Variants in C5orf46 observed in about 807,000 individuals in gnomAD.
C5orf46 encodes chromosome 5 open reading frame 46.
Under a neutral mutation model 8.9 loss-of-function variants are expected in C5orf46, and 9 were observed. The observed-to-expected ratio is 1.01, with a 90% CI of 0.61 to 1.76. C5orf46 has a LOEUF of 1.76. Ranked by LOEUF, C5orf46 falls within the 40% of genes most tolerant of loss-of-function variation. The pLI is 0.00. For synonymous variants in C5orf46, 47 were observed against 41.4 expected (o/e 1.14, Z -0.52); for missense variants, 98 against 107.8 (o/e 0.91, Z 0.40).
intron 1 of C5orf46, 120 bp downstream of exon 1, chr5:147,906,312 G>T: frequency 2.0e-6 from 1 of 509,332 alleles, no homozygotes; most frequent in Non-Finnish European, 3.5e-6. Flanking sequence ...CCAGGCCAGT[G>T]CTCTTTCTGG....
intron 2 of C5orf46, 62 bp downstream of exon 2, chr5:147,901,567 T>C: frequency 2.7e-6 from 4 of 1,492,520 alleles, no homozygotes; most frequent in Non-Finnish European, 3.7e-6. Flanking sequence ...TGCCATGAGG[T>C]CATTGTGTGG....
chr5:147,888,505 C>A (rs1757454894), downstream of C5orf46, among the ~76,000 whole-genome samples: 1 of 152,174 alleles, frequency 6.6e-6, no homozygotes, highest in Non-Finnish European at 1.5e-5. Flanking sequence ...AACAGTATAC[C>A]TAGCACAGGG....
intron 3 of C5orf46, 52 bp from the exon 4 acceptor site, chr5:147,892,991 T>G (rs1333359069): frequency 6.6e-6 from 1 of 152,242 alleles, no homozygotes; most frequent in East Asian, 1.9e-4. Context: ...AGAGCTGGTT[T>G]AAGACGTTAA....
chr5:147,892,265 G>C (rs1408513352), downstream of C5orf46, among the ~76,000 whole-genome samples: 3 of 152,280 alleles, frequency 2.0e-5, no homozygotes, highest in Admixed American at 2.0e-4. Context: ...GTGGTGGCAC[G>C]AAAGGCCTGC....
At chr5:147,900,829 A>G (rs1345093512) in intron 2 of C5orf46, among the ~76,000 whole-genome samples, 1 of 152,240 alleles carries the variant, frequency 6.6e-6, no homozygotes, top group Non-Finnish European at 1.5e-5. Context: ...AATTTGGAAG[A>G]GTGAATTTCA....
At chr5:147,894,861 C>T (rs1048352437) in intron 3 of C5orf46, among the ~76,000 whole-genome samples, 1 of 151,578 alleles carries the variant, frequency 6.6e-6, no homozygotes, top group African/African-American at 2.4e-5. Context: ...GAGTTCAAGA[C>T]CATCATGGCC....
chr5:147,894,355 T>C (rs1757548039), intron 3 of C5orf46, among the ~76,000 whole-genome samples: 1 of 152,122 alleles, frequency 6.6e-6, no homozygotes. Flanking sequence ...TTATTGAAAA[T>C]ATTAAAGCCA....
At chr5:147,895,206 G>A (rs1330949436) in intron 3 of C5orf46, among the ~76,000 whole-genome samples, 4 of 152,114 alleles carry the variant, frequency 2.6e-5, no homozygotes, top group African/African-American at 4.8e-5. Context: ...GCATCCAAGT[G>A]ATCACTTAGA....
intron 3 of C5orf46, 61 bp from the exon 4 acceptor site, chr5:147,893,000 A>G (rs1440903463): frequency 2.0e-5 from 3 of 152,230 alleles, no homozygotes; most frequent in Non-Finnish European, 4.4e-5. Context: ...TTAAGACGTT[A>G]AATAAACCAA....
intron 2 of C5orf46, among the ~76,000 whole-genome samples, chr5:147,900,393 C>T: frequency 6.6e-6 from 1 of 152,132 alleles, no homozygotes; most frequent in East Asian, 1.9e-4. Context: ...GGAAGTGGTT[C>T]TTAATCTGCT....
chr5:147,888,665 C>G (rs548094729), downstream of C5orf46, among the ~76,000 whole-genome samples: 14 of 152,270 alleles, frequency 9.2e-5, no homozygotes, highest in South Asian at 2.7e-3. Flanking sequence ...CCAGTTGATA[C>G]ACATCTGTGA....
intron 3 of C5orf46, among the ~76,000 whole-genome samples, chr5:147,894,675 C>T (rs547948954): frequency 1.1e-4 from 16 of 151,398 alleles, no homozygotes; most frequent in Non-Finnish European, 2.4e-4. Flanking sequence ...AACTTCTCAA[C>T]AGCCAGCTAG....
chr5:147,895,914 G>A (rs1029235089), intron 3 of C5orf46, among the ~76,000 whole-genome samples: 2 of 152,102 alleles, frequency 1.3e-5, no homozygotes, highest in African/African-American at 4.8e-5. Flanking sequence ...CTAAGTTCCG[G>A]GGGAATATGA....
At chr5:147,896,958 G>C in intron 3 of C5orf46, 26 bp downstream of exon 3, 1 of 1,280,120 alleles carries the variant, frequency 7.8e-7, no homozygotes, top group African/African-American at 1.5e-5. Context: ...TGTTATTTCA[G>C]TTGTAAATTT....
chr5:147,895,140 T>C (rs938897792), intron 3 of C5orf46, among the ~76,000 whole-genome samples: 2 of 152,152 alleles, frequency 1.3e-5, no homozygotes, highest in African/African-American at 4.8e-5. Context: ...TAGGAAATTC[T>C]GGCTGCATGC....
intron 1 of C5orf46, among the ~76,000 whole-genome samples, chr5:147,903,227 C>T (rs181233577): frequency 1.3e-5 from 2 of 152,264 alleles, no homozygotes; most frequent in East Asian, 3.9e-4. Context: ...TGTACCCTGA[C>T]AAGTAATGTT....
chr5:147,906,478 C>T lies in C5orf46; in HGVS notation c.24G>A (p.Leu8=), dbSNP rs2127134089. 1 of 1,611,820 alleles carries T rather than the reference C, an allele frequency of 6.2e-7. No homozygotes were observed. The highest frequency in any genetic ancestry group is 1.1e-5 in the South Asian group (1 of 90,334). Residue 8 remains leucine (L), a synonymous_variant, in exon 1 of 4, where the codon CTG becomes CTA. Coordinates refer to ENST00000318315, the MANE Select transcript of C5orf46 (RefSeq NM_206966.3). MAVSVLR[L]TVVLGLLVLF... is the part of the protein sequence containing the mutation. Reference sequence around the variant, plus strand: ...AGACAAGCAGTCCCAGGACAACTGTCAGGCGAAGTACTGAGACAGCCATTC... The same window carrying T: ...AGACAAGCAGTCCCAGGACAACTGTTAGGCGAAGTACTGAGACAGCCATTC...
chr5:147,901,626 T>C lies in C5orf46; in HGVS notation c.215+3A>G. On this transcript the variant is annotated splice_donor_region_variant and intron_variant, in intron 2 of 3. Transcript: ENST00000318315. ...AAAAAGCAACGTTTTTCTCAGTGCTTACGTGCTCCTGGACATGGAGCGGAG... is the reference window on the plus strand; with the variant it reads ...AAAAAGCAACGTTTTTCTCAGTGCTCACGTGCTCCTGGACATGGAGCGGAG... The C allele has an allele frequency of 1.9e-6, 3 of 1,613,718 alleles. No homozygotes were observed. The highest frequency in any genetic ancestry group is 1.7e-4 in the Middle Eastern group (1 of 6,050).
At chr5:147,896,837 A>C (rs1757587576) in intron 3 of C5orf46, 147 bp downstream of exon 3, 1 of 429,846 alleles carries the variant, frequency 2.3e-6, no homozygotes, top group African/African-American at 2.0e-5. Flanking sequence ...ACATGAAAAA[A>C]ATATATTCAT....
Sources: allele counts gnomAD v4.1 joint callset (sites outside exome capture counted in the v4.1 genomes callset), GRCh38; gene constraint gnomAD v4.1.1; transcripts MANE v1.5; gene names NCBI Gene and HGNC (gene_info 2026-07-23, HGNC 2026-07-21).